AEN: variants seen among roughly 807,000 people sequenced by gnomAD.
The protein encoded by AEN is apoptosis enhancing nuclease.
AEN carries 21 observed loss-of-function variants against 17.7 expected under a neutral mutation model. The ratio of observed to expected loss-of-function variants is 1.19; its 90% confidence interval spans 0.84 to 1.71. The LOEUF (loss-of-function observed/expected upper bound fraction) is 1.71, where lower values mean the gene tolerates loss of function less well. Among genes scored for constraint, AEN ranks in the 40% most tolerant of loss-of-function variants. AEN has a pLI of 0.00. For missense variants in AEN, 462 were observed against 435.9 expected (o/e 1.06, Z -0.53); for synonymous variants, 190 against 173.0 (o/e 1.10, Z -0.77).
chr15:88,616,723 AT>A (rs2057741822), upstream of AEN, among the ~76,000 whole-genome samples: 1 of 152,226 alleles, frequency 6.6e-6, no homozygotes, highest in Non-Finnish European at 1.5e-5. Context: ...AGCAATACAC[AT>A]TTAGTAGAAA....
chr15:88,607,245 C>G, the AEN span, among the ~76,000 whole-genome samples: 2 of 152,242 alleles, frequency 1.3e-5, no homozygotes, highest in African/African-American at 4.8e-5. Context: ...TTCTCTTCTT[C>G]CTCCCCAGCA....
At chr15:88,625,393 C>G (rs967329697) in intron 1 of AEN, among the ~76,000 whole-genome samples, 4 of 152,080 alleles carry the variant, frequency 2.6e-5, no homozygotes, top group Non-Finnish European at 5.9e-5. Flanking sequence ...TTGTGTGTAC[C>G]TGTAGTCCCA....
upstream of AEN, chr15:88,621,226 G>T (rs2057782305): frequency 6.6e-6 from 1 of 152,300 alleles, no homozygotes; most frequent in Admixed American, 6.5e-5. Context: ...CCTCCCCGCT[G>T]CCAGGCAGGC....
the AEN span, among the ~76,000 whole-genome samples, chr15:88,607,141 C>A: frequency 6.6e-6 from 1 of 152,182 alleles, no homozygotes; most frequent in Non-Finnish European, 1.5e-5. Context: ...TCACCTTGCC[C>A]CATAGACCAC....
the AEN span, among the ~76,000 whole-genome samples, chr15:88,614,287 C>A: frequency 2.0e-5 from 3 of 150,218 alleles, no homozygotes; most frequent in African/African-American, 7.4e-5. Context: ...GCAACCCCAA[C>A]CTCCTGGGCT....
chr15:88,623,614 A>G (rs946512840), intron 1 of AEN, among the ~76,000 whole-genome samples: 6 of 152,190 alleles, frequency 3.9e-5, no homozygotes, highest in Non-Finnish European at 7.4e-5. Flanking sequence ...AATAATTCTC[A>G]AATTGTGCTA....
Position 88,631,199 on chromosome 15 carries a change from T to G in AEN, c.*905T>G. The G allele has an allele frequency of 2.2e-6, 1 of 456,460 alleles. No homozygotes were observed. 28.3% of individuals were successfully genotyped at this position (456,460 alleles called of 1,614,324 possible). On this transcript the variant is annotated 3_prime_UTR_variant, in exon 4 of 4. Coordinates refer to ENST00000332810, the MANE Select transcript of AEN (RefSeq NM_022767.4). Reference sequence around the variant, plus strand: ...TAGGATTGTGCCTGACCTTTATTTATTTATTAACAGCAGGGCCACTCGTCT... The same window carrying G: ...TAGGATTGTGCCTGACCTTTATTTAGTTATTAACAGCAGGGCCACTCGTCT...
upstream of AEN, among the ~76,000 whole-genome samples, chr15:88,617,575 A>C (rs1031192760): frequency 4.6e-5 from 7 of 152,112 alleles, no homozygotes; most frequent in African/African-American, 1.7e-4. Context: ...GTACATGAAA[A>C]AACTATTTAT....
rs1304160809 is a variant in AEN, at chr15:88,632,039, G to C, written c.*1745G>C. On this transcript the variant is annotated 3_prime_UTR_variant, in exon 4 of 4. Coordinates refer to ENST00000332810, the MANE Select transcript of AEN (RefSeq NM_022767.4). ...TTGTCCAGTCACTGGCTCCCTCCCT[G>C]TCAGCACAGCACAGAGGAAGGGGCT... 3 of 152,244 alleles carry C rather than the reference G, an allele frequency of 2.0e-5. No homozygotes were observed. The highest frequency in any genetic ancestry group is 7.2e-5 in the African/African-American group (3 of 41,432). 9.4% of individuals were successfully genotyped at this position (152,244 alleles called of 1,614,324 possible). A position where few individuals can be genotyped will look rare whatever the true frequency, so the allele number is the denominator to read the frequency against.
In AEN at chr15:88,626,700, C is replaced by T; in HGVS notation, c.491C>T (p.Thr164Ile). Residue 164 changes from threonine to isoleucine, a missense_variant, in exon 2 of 4, where the codon ACT becomes ATT. Coordinates refer to ENST00000332810, the MANE Select transcript of AEN (RefSeq NM_022767.4). ...TACCGTACCCGCTGGAGTGGCATCA[C>T]TCGGCAGCACATGCGCAAGGCTGTC... Reference protein sequence around the residue: ...ADYRTRWSGITRQHMRKAVPF... With the variant: ...ADYRTRWSGIIRQHMRKAVPF... 2 of 1,613,274 alleles carry T rather than the reference C, an allele frequency of 1.2e-6. No individual in the cohort carries two copies. Among genetic ancestry groups the T allele is most frequent in the Non-Finnish European group, 1.7e-6 (2 of 1,180,044 alleles).
At chr15:88,617,402 C>G (rs2141362413), upstream of AEN, among the ~76,000 whole-genome samples, 1 of 152,150 alleles carries the variant, frequency 6.6e-6, no homozygotes, top group East Asian at 1.9e-4. Flanking sequence ...TATAGGTGCC[C>G]ACGACCATAC....
the AEN span, among the ~76,000 whole-genome samples, chr15:88,605,674 C>A: frequency 6.6e-6 from 1 of 152,238 alleles, no homozygotes; most frequent in Non-Finnish European, 1.5e-5. The surrounding 1 kb of genome is among the most constrained non-coding windows in gnomAD (Gnocchi z 7.6). Flanking sequence ...CGCCTAATGC[C>A]GTTACTTCCC....
chr15:88,614,611 G>T, the AEN span, among the ~76,000 whole-genome samples: 1 of 152,126 alleles, frequency 6.6e-6, no homozygotes, highest in African/African-American at 2.4e-5. Context: ...CCGGGTTTAC[G>T]AAACAGCCTG....
At chr15:88,626,088 G>A in intron 1 of AEN, 58 bp from the exon 2 acceptor site, 1 of 1,148,654 alleles carries the variant, frequency 8.7e-7, no homozygotes, top group Non-Finnish European at 1.2e-6. Context: ...GAGGGAGGGT[G>A]GGTGGGCTGC....
chr15:88,605,947 A>G, the AEN span, among the ~76,000 whole-genome samples: 1 of 152,202 alleles, frequency 6.6e-6, no homozygotes, highest in Admixed American at 6.5e-5. The surrounding 1 kb of genome is among the most constrained non-coding windows in gnomAD (Gnocchi z 7.6). Context: ...AGGAGGTGAC[A>G]CAGGTTCGCG....
At chr15:88,615,067 G>C in the AEN span, among the ~76,000 whole-genome samples, 1 of 152,086 alleles carries the variant, frequency 6.6e-6, no homozygotes, top group South Asian at 2.1e-4. Flanking sequence ...GGGTTTCACT[G>C]TGCTAGCCAG....
chr15:88,606,146 G>A, the AEN span, among the ~76,000 whole-genome samples: 2 of 152,194 alleles, frequency 1.3e-5, no homozygotes, highest in East Asian at 1.9e-4. Context: ...GATCTACTGT[G>A]AGCCCCAGGC....
Position 88,629,389 on chromosome 15 carries a change from A to G in AEN, c.704A>G (p.Lys235Arg), listed in dbSNP as rs761814455. 9 of 1,613,946 alleles carry G rather than the reference A, an allele frequency of 5.6e-6. No homozygotes were observed. Among genetic ancestry groups the G allele is most frequent in the Middle Eastern group, 1.6e-4 (1 of 6,082 alleles). Reference protein sequence around the residue: ...GLHTRARVSLKDLALQLLHKK... With the variant: ...GLHTRARVSLRDLALQLLHKK... The stretch of plus-strand genomic sequence containing the variant: ...CACACCCGGGCCCGGGTCTCTCTAA[A>G]GGACCTGGCCCTGCAGCTGCTGCAC... The change falls in exon 3 of 4, where the codon AAG becomes AGG. Residue 235 changes from lysine to arginine, a missense_variant. Coordinates refer to ENST00000332810, the MANE Select transcript of AEN (RefSeq NM_022767.4).
At chr15:88,606,732 G>A in the AEN span, among the ~76,000 whole-genome samples, 6 of 152,210 alleles carry the variant, frequency 3.9e-5, no homozygotes, top group South Asian at 2.1e-4. Context: ...GTAAGGCCCC[G>A]TCTGGGGAAA....
Sources: allele counts gnomAD v4.1 joint callset (sites outside exome capture counted in the v4.1 genomes callset), GRCh38; gene constraint gnomAD v4.1.1; non-coding constraint Gnocchi (gnomAD v3.1); transcripts MANE v1.5; gene names NCBI Gene and HGNC (gene_info 2026-07-23, HGNC 2026-07-21).